Variants in SNX18 observed in about 807,000 individuals in gnomAD.
The protein encoded by SNX18 is sorting nexin 18, also known as sorting nexin-18.
A neutral mutation model predicts 48.7 loss-of-function variants in SNX18; 35 were observed. That is an observed-to-expected ratio of 0.72 (90% CI 0.55 to 0.95). SNX18 has a LOEUF of 0.95. Ranked by LOEUF, SNX18 falls within the 40% of genes least tolerant of loss-of-function variation. The probability of loss-of-function intolerance (pLI) is 0.00; values close to 1 mark genes in which losing one functional copy is unlikely to be tolerated. For synonymous variants in SNX18, 492 were observed against 384.7 expected, an observed-to-expected ratio of 1.28 and a Z score of -3.26; for missense variants, 824 against 871.0, an observed-to-expected ratio of 0.95 and a Z score of 0.68.
the SNX18 span, among the ~76,000 whole-genome samples, chr5:54,599,471 G>GA: frequency 2.6e-3 from 402 of 151,974 alleles, 1 homozygote; most frequent in Middle Eastern, 6.8e-3. Flanking sequence ...CACAAAATTA[G>GA]AAAAAACTAT....
chr5:54,642,195 A>G, the SNX18 span, among the ~76,000 whole-genome samples: 5 of 152,174 alleles, frequency 3.3e-5, no homozygotes, highest in African/African-American at 9.7e-5. Flanking sequence ...TCGGGTCACA[A>G]TGCTCCTGTA....
At chr5:54,526,163 G>A (rs1762127923) in intron 1 of SNX18, among the ~76,000 whole-genome samples, 1 of 152,200 alleles carries the variant, frequency 6.6e-6, no homozygotes, top group Non-Finnish European at 1.5e-5. Flanking sequence ...GCAGTGCAGT[G>A]ATGCGATCTC....
the SNX18 span, among the ~76,000 whole-genome samples, chr5:54,599,900 C>A: frequency 6.6e-6 from 1 of 152,114 alleles, no homozygotes; most frequent in Non-Finnish European, 1.5e-5. Flanking sequence ...AAAGTCTAGA[C>A]AATACCATAC....
the SNX18 span, among the ~76,000 whole-genome samples, chr5:54,569,986 T>G: frequency 6.6e-6 from 1 of 152,226 alleles, no homozygotes; most frequent in Non-Finnish European, 1.5e-5. Context: ...CTGGGTTGAG[T>G]TGTGTCCCCT....
the SNX18 span, among the ~76,000 whole-genome samples, chr5:54,572,774 A>ATATAT: frequency 7.8e-5 from 3 of 38,440 alleles, no homozygotes; most frequent in African/African-American, 2.0e-4. Context: ...ATATATATAT[A>ATATAT]TTTTTTTTTT....
downstream of SNX18, among the ~76,000 whole-genome samples, chr5:54,549,565 A>G (rs1053535246): frequency 6.6e-5 from 10 of 152,250 alleles, no homozygotes; most frequent in African/African-American, 2.4e-4. Flanking sequence ...AGCAAGGCAA[A>G]GGAGCCCTTG....
the SNX18 span, among the ~76,000 whole-genome samples, chr5:54,591,456 G>T: frequency 6.6e-6 from 1 of 152,192 alleles, no homozygotes; most frequent in African/African-American, 2.4e-5. Flanking sequence ...CTCCCAAAGT[G>T]CTGGGATTAC....
In SNX18 at chr5:54,518,773, A is replaced by G; in HGVS notation, c.821A>G (p.Tyr274Cys). 1.2e-6 allele frequency: 2 copies of G among 1,606,296 alleles called. No individual in the cohort carries two copies. Among genetic ancestry groups the G allele is most frequent in the Non-Finnish European group, 1.7e-6 (2 of 1,175,862 alleles). The change falls in exon 1 of 2, where the codon TAC (tyrosine) becomes TGC (cysteine). Residue 274 changes from tyrosine (Y) to cysteine (C), a missense_variant. Physicochemically the swap from Tyr to Cys is radical, Grantham distance 194 (BLOSUM62 -2). Coordinates refer to ENST00000381410, the MANE Select transcript of SNX18 (RefSeq NM_001102575.2). ...GGCCCCGAGTGGCAGGAGAACCCCT[A>G]CCCGTTCCAGTGCACCATCGACGAC... Reference protein sequence around the residue: ...PYGPEWQENPYPFQCTIDDPT... With the variant: ...PYGPEWQENPCPFQCTIDDPT...
At chr5:54,608,490 C>T in the SNX18 span, among the ~76,000 whole-genome samples, 2 of 152,164 alleles carry the variant, frequency 1.3e-5, no homozygotes, top group Non-Finnish European at 2.9e-5. Flanking sequence ...CCCACCTTGG[C>T]CTCCCAAAGT....
chr5:54,532,319 CT>C (rs57856245), intron 1 of SNX18, among the ~76,000 whole-genome samples: 33 of 130,974 alleles, frequency 2.5e-4, no homozygotes, highest in Admixed American at 9.5e-4. Flanking sequence ...TTTTTTTTTT[CT>C]TTTTTTTTTT....
the SNX18 span, among the ~76,000 whole-genome samples, chr5:54,589,858 G>A: frequency 2.0e-5 from 3 of 152,176 alleles, no homozygotes; most frequent in Non-Finnish European, 4.4e-5. Flanking sequence ...ACAGAGTCTT[G>A]CTCTCTCAAC....
the SNX18 span, among the ~76,000 whole-genome samples, chr5:54,571,402 C>T: frequency 4.6e-5 from 7 of 152,282 alleles, no homozygotes; most frequent in South Asian, 2.1e-4. Context: ...AATTCTAAGA[C>T]GCTTGGCAGT....
the SNX18 span, chr5:54,643,686 T>C: frequency 6.6e-6 from 1 of 152,224 alleles, no homozygotes; most frequent in Non-Finnish European, 1.5e-5. Context: ...AACTACCTTT[T>C]CCTTTCCTGT....
At chr5:54,610,308 C>T in the SNX18 span, among the ~76,000 whole-genome samples, 19 of 152,154 alleles carry the variant, frequency 1.2e-4, no homozygotes, top group South Asian at 6.2e-4. Context: ...TATAGCACTC[C>T]GTGGTTTACC....
the SNX18 span, among the ~76,000 whole-genome samples, chr5:54,588,799 C>G: frequency 2.0e-5 from 3 of 152,110 alleles, no homozygotes; most frequent in Non-Finnish European, 4.4e-5. Flanking sequence ...ATGATATCAT[C>G]AAAGAGAATG....
the SNX18 span, among the ~76,000 whole-genome samples, chr5:54,584,586 T>C: frequency 2.0e-5 from 3 of 152,194 alleles, no homozygotes; most frequent in African/African-American, 7.2e-5. Flanking sequence ...GTCTATGCAC[T>C]GAAGGCCTAT....
chr5:54,593,259 C>T, the SNX18 span, among the ~76,000 whole-genome samples: 1 of 152,164 alleles, frequency 6.6e-6, no homozygotes, highest in Non-Finnish European at 1.5e-5. Flanking sequence ...TTTCCTGTAA[C>T]TCACTGTATA....
chr5:54,589,485 A>T, the SNX18 span, among the ~76,000 whole-genome samples: 1 of 152,242 alleles, frequency 6.6e-6, no homozygotes, highest in East Asian at 1.9e-4. Context: ...TGGGGTAAAA[A>T]GCAAAGTTTT....
intron 1 of SNX18, among the ~76,000 whole-genome samples, chr5:54,534,202 A>G (rs1762307233): frequency 6.6e-6 from 1 of 150,896 alleles, no homozygotes; most frequent in South Asian, 2.1e-4. Context: ...TGGCACATTC[A>G]TGATTTCAAA....
Sources: allele counts gnomAD v4.1 joint callset (sites outside exome capture counted in the v4.1 genomes callset), GRCh38; gene constraint gnomAD v4.1.1; transcripts MANE v1.5; gene names NCBI Gene and HGNC (gene_info 2026-07-23, HGNC 2026-07-21).